C1QTNF3: variants seen among roughly 807,000 people sequenced by gnomAD.
C1QTNF3 encodes the protein C1q and TNF related 3, also known as complement C1q tumor necrosis factor-related protein 3.
In C1QTNF3, 26 loss-of-function variants were observed where a neutral mutation model predicts 32.6. The ratio of observed to expected loss-of-function variants is 0.80; its 90% CI spans 0.58 to 1.11. The LOEUF is 1.11. Ranked by LOEUF, C1QTNF3 falls within the 50% of genes least tolerant of loss-of-function variation. The probability of loss-of-function intolerance (pLI) is 0.00; values close to 1 mark genes in which losing one functional copy is unlikely to be tolerated. For missense variants in C1QTNF3, 362 were observed against 398.2 expected, an observed-to-expected ratio of 0.91 and a Z score of 0.77; for synonymous variants, 155 against 146.0, an observed-to-expected ratio of 1.06 and a Z score of -0.44.
the C1QTNF3 span, chr5:34,167,029 G>A: frequency 6.6e-6 from 1 of 152,166 alleles, no homozygotes; most frequent in South Asian, 2.1e-4. Flanking sequence ...GCTGTCTATA[G>A]AGATTCTAGT....
the C1QTNF3 span, among the ~76,000 whole-genome samples, chr5:34,071,106 A>T: frequency 1.3e-5 from 2 of 152,248 alleles, no homozygotes; most frequent in African/African-American, 4.8e-5. Context: ...TACCATCTGT[A>T]TCTAAGCTTG....
chr5:34,062,314 C>A, the C1QTNF3 span, among the ~76,000 whole-genome samples: 6 of 152,160 alleles, frequency 3.9e-5, no homozygotes, highest in Non-Finnish European at 8.8e-5. Flanking sequence ...CCTTTTGAAT[C>A]AGGAGTGAGA....
intron 1 of C1QTNF3, among the ~76,000 whole-genome samples, chr5:34,039,283 A>G (rs1284170149): frequency 6.6e-6 from 1 of 152,204 alleles, no homozygotes; most frequent in East Asian, 1.9e-4. Flanking sequence ...AAAAACCCCA[A>G]GTCAAAAGGT....
chr5:34,069,842 T>G, the C1QTNF3 span, among the ~76,000 whole-genome samples: 1 of 152,138 alleles, frequency 6.6e-6, no homozygotes. Flanking sequence ...ATGCAAAAAT[T>G]CAAATAACAA....
At chr5:34,132,503 G>A in the C1QTNF3 span, among the ~76,000 whole-genome samples, 12 of 147,222 alleles carry the variant, frequency 8.2e-5, no homozygotes, top group East Asian at 2.2e-3. Flanking sequence ...AGGTGCAAAC[G>A]TTTAAATAAG....
chr5:34,243,725 A>C, the C1QTNF3 span, among the ~76,000 whole-genome samples: 1 of 151,802 alleles, frequency 6.6e-6, no homozygotes, highest in Non-Finnish European at 1.5e-5. Flanking sequence ...AGAAAACCAG[A>C]TACCACACAT....
At chr5:34,155,854 G>A in the C1QTNF3 span, among the ~76,000 whole-genome samples, 12 of 151,986 alleles carry the variant, frequency 7.9e-5, no homozygotes, top group Non-Finnish European at 1.3e-4. Context: ...ATTAAGAAGA[G>A]ATAAAAGAAG....
the C1QTNF3 span, among the ~76,000 whole-genome samples, chr5:34,237,512 G>A: frequency 1.3e-5 from 2 of 152,120 alleles, no homozygotes; most frequent in African/African-American, 4.8e-5. Flanking sequence ...ACTCCTGAAT[G>A]TAATATTCAA....
At chr5:34,141,690 C>T in the C1QTNF3 span, among the ~76,000 whole-genome samples, 1 of 152,102 alleles carries the variant, frequency 6.6e-6, no homozygotes, top group Non-Finnish European at 1.5e-5. Flanking sequence ...GTTAAACTTA[C>T]AGAAGTAGAC....
chr5:34,053,620 G>T, the C1QTNF3 span, among the ~76,000 whole-genome samples: 1 of 152,226 alleles, frequency 6.6e-6, no homozygotes, highest in Non-Finnish European at 1.5e-5. Flanking sequence ...CTCTGGAAAG[G>T]ACACCTGTGT....
At position 34,033,286 on chromosome 5, in the gene C1QTNF3, G is replaced by T; in HGVS notation, c.570+18C>A. The T allele has an allele frequency of 6.2e-7, 1 of 1,612,356 alleles. No homozygotes were observed. On this transcript the variant is annotated intron_variant, in intron 3 of 5. Transcript: ENST00000382065. The stretch of plus-strand genomic sequence containing the variant: ...GCAGGTTGGAAAGCCACCAGGAGAT[G>T]TACCGAGGATGGTTTACCTGAAGTT...
At chr5:34,244,099 T>A in the C1QTNF3 span, among the ~76,000 whole-genome samples, 1 of 152,204 alleles carries the variant, frequency 6.6e-6, no homozygotes, top group Non-Finnish European at 1.5e-5. Flanking sequence ...GTCTCTTATG[T>A]CATTTTCATA....
the C1QTNF3 span, among the ~76,000 whole-genome samples, chr5:34,178,336 T>C: frequency 6.6e-6 from 1 of 152,110 alleles, no homozygotes; most frequent in Non-Finnish European, 1.5e-5. Context: ...CAAGGGTGCA[T>C]ATCCACAAAC....
the C1QTNF3 span, among the ~76,000 whole-genome samples, chr5:34,145,545 A>T: frequency 6.6e-6 from 1 of 151,868 alleles, no homozygotes; most frequent in African/African-American, 2.4e-5. Flanking sequence ...TTACAGTCAA[A>T]TTCTCTCATA....
At chr5:34,222,962 G>C in the C1QTNF3 span, among the ~76,000 whole-genome samples, 3 of 151,832 alleles carry the variant, frequency 2.0e-5, no homozygotes, top group African/African-American at 7.3e-5. Context: ...TTTACCCTCA[G>C]TGATTCAGTG....
rs1459075296 is a variant in C1QTNF3, at chr5:34,018,591, C to T, written c.*1992G>A. ...TTCCAGCCACATCATTTGGAGTTTA[C>T]ATTTGCATATTCCATCCTCTGAATT... On this transcript the variant is annotated 3_prime_UTR_variant, in exon 6 of 6. Coordinates refer to ENST00000382065, the MANE Select transcript of C1QTNF3 (RefSeq NM_181435.6). 3.3e-5 allele frequency among the ~76,000 whole-genome samples: 5 copies of T among 152,312 alleles called. No homozygotes were observed. In the South Asian group the frequency reaches 8.3e-4, roughly 25 times the overall value.
At chr5:34,123,936 C>T in the C1QTNF3 span, among the ~76,000 whole-genome samples, 24 of 152,208 alleles carry the variant, frequency 1.6e-4, no homozygotes, top group Non-Finnish European at 3.1e-4. Context: ...TACAGAAATA[C>T]ATTTTTTTTG....
chr5:34,063,938 G>T, the C1QTNF3 span, among the ~76,000 whole-genome samples: 1 of 152,150 alleles, frequency 6.6e-6, no homozygotes, highest in Non-Finnish European at 1.5e-5. Flanking sequence ...ATGCATGGGC[G>T]ACTGTTAAGT....
At chr5:34,069,352 CATTT>C in the C1QTNF3 span, among the ~76,000 whole-genome samples, 1 of 151,528 alleles carries the variant, frequency 6.6e-6, no homozygotes, top group Non-Finnish European at 1.5e-5. Flanking sequence ...ATACATCTAG[CATTT>C]ATTTATTTAT....
Sources: allele counts gnomAD v4.1 joint callset (sites outside exome capture counted in the v4.1 genomes callset), GRCh38; gene constraint gnomAD v4.1.1; transcripts MANE v1.5; gene names NCBI Gene and HGNC (gene_info 2026-07-23, HGNC 2026-07-21).